TGFA: variants seen among roughly 807,000 people sequenced by gnomAD.
The protein encoded by TGFA is protransforming growth factor alpha.
In TGFA, 12 loss-of-function variants were observed where a neutral mutation model predicts 21.7. The ratio of observed to expected loss-of-function variants is 0.55; its 90% CI spans 0.35 to 0.90. The LOEUF is 0.90. TGFA is among the 40% of genes least tolerant of loss of function. The pLI is 0.01. For missense variants in TGFA, 178 were observed against 210.8 expected (o/e 0.84, Z 0.96); for synonymous variants, 79 against 88.1 (o/e 0.90, Z 0.58).
rs1278463063 is a variant in TGFA, at chr2:70,450,124, A to G, written c.*735T>C. 1 of 152,216 alleles carries G rather than the reference A, an allele frequency of 6.6e-6. No individual in the cohort carries two copies. The highest frequency in any genetic ancestry group is 2.4e-5 in the African/African-American group (1 of 41,462). 9.4% of individuals were successfully genotyped at this position (152,216 alleles called of 1,614,324 possible). A position where few individuals can be genotyped will look rare whatever the true frequency, so the allele number is the denominator to read the frequency against. ...CTTAGCTGTCTTGAAGAGGCCAGAC[A>G]TTTCTAATCAGTATAGCTTTTCAGT... is the stretch of plus-strand genomic sequence containing the variant. On this transcript the variant is annotated 3_prime_UTR_variant, in exon 6 of 6. Coordinates refer to ENST00000295400, the MANE Select transcript of TGFA (RefSeq NM_003236.4).
intron 1 of TGFA, among the ~76,000 whole-genome samples, chr2:70,547,517 T>C (rs1673342528): frequency 6.9e-6 from 1 of 145,208 alleles, no homozygotes; most frequent in African/African-American, 2.6e-5. Flanking sequence ...CACTCCAGCC[T>C]GGGCAACAGA....
chr2:70,476,051 C>A (rs1347776317), intron 2 of TGFA, among the ~76,000 whole-genome samples: 1 of 130,366 alleles, frequency 7.7e-6, no homozygotes, highest in African/African-American at 2.9e-5. Flanking sequence ...TTCTTCTATC[C>A]CTACTACCTT....
chr2:70,460,931 C>T (rs1670388262), intron 3 of TGFA, among the ~76,000 whole-genome samples: 1 of 152,154 alleles, frequency 6.6e-6, no homozygotes, highest in Non-Finnish European at 1.5e-5. Context: ...TGAGGTATTA[C>T]ATCCTTAAAA....
At chr2:70,503,694 C>G (rs1553499578) in intron 2 of TGFA, among the ~76,000 whole-genome samples, 1 of 152,000 alleles carries the variant, frequency 6.6e-6, no homozygotes, top group South Asian at 2.1e-4. Flanking sequence ...CAAATACTTA[C>G]AGTTTTTATT....
intron 3 of TGFA, among the ~76,000 whole-genome samples, chr2:70,460,375 CTT>C (rs1436195426): frequency 3.0e-4 from 28 of 94,152 alleles, no homozygotes; most frequent in African/African-American, 1.3e-3. Context: ...TGGTGACATA[CTT>C]TTTTTAAAAA....
chr2:70,521,179 C>T (rs1439455790), intron 1 of TGFA, among the ~76,000 whole-genome samples: 2 of 152,200 alleles, frequency 1.3e-5, no homozygotes, highest in African/African-American at 4.8e-5. Flanking sequence ...TCCATGGGCT[C>T]TGTACCACTC....
intron 2 of TGFA, among the ~76,000 whole-genome samples, chr2:70,503,586 A>G (rs1261455309): frequency 6.6e-6 from 1 of 151,616 alleles, no homozygotes; most frequent in African/African-American, 2.4e-5. Flanking sequence ...TAATAATAAA[A>G]AAAAAAAAAG....
intron 2 of TGFA, among the ~76,000 whole-genome samples, chr2:70,500,757 T>C (rs1475362965): frequency 6.6e-6 from 1 of 152,216 alleles, no homozygotes; most frequent in East Asian, 1.9e-4. Context: ...GCACCCTTGC[T>C]CTGAGCCATT....
At chr2:70,536,908 C>A (rs1559141247) in intron 1 of TGFA, among the ~76,000 whole-genome samples, 1 of 152,088 alleles carries the variant, frequency 6.6e-6, no homozygotes. Flanking sequence ...TGGGATAGCA[C>A]AGGCATATTT....
chr2:70,471,111 C>CT (rs1224343844), intron 2 of TGFA, among the ~76,000 whole-genome samples: 1 of 139,728 alleles, frequency 7.2e-6, no homozygotes, highest in Non-Finnish European at 1.5e-5. Context: ...CTCCCCGCAC[C>CT]CCCCCCACCA....
intron 2 of TGFA, among the ~76,000 whole-genome samples, chr2:70,490,527 T>C (rs1160752943): frequency 2.6e-5 from 4 of 152,238 alleles, no homozygotes; most frequent in African/African-American, 9.6e-5. Flanking sequence ...ACTTATAGAA[T>C]ACAGAGTTTC....
At chr2:70,501,455 G>A (rs1553499145) in intron 2 of TGFA, among the ~76,000 whole-genome samples, 1 of 151,992 alleles carries the variant, frequency 6.6e-6, no homozygotes, top group African/African-American at 2.4e-5. Context: ...CATCTCTGAT[G>A]CCCAGTACAG....
At chr2:70,500,092 G>C (rs910329690) in intron 2 of TGFA, among the ~76,000 whole-genome samples, 6 of 152,066 alleles carry the variant, frequency 3.9e-5, no homozygotes, top group Admixed American at 1.3e-4. Context: ...TCACTATATG[G>C]TATATGGTAT....
intron 1 of TGFA, among the ~76,000 whole-genome samples, chr2:70,520,663 C>T (rs1553502112): frequency 6.6e-6 from 1 of 152,238 alleles, no homozygotes; most frequent in East Asian, 1.9e-4. Flanking sequence ...AGCAACTACC[C>T]GAGAAAAATG....
At chr2:70,513,835 G>T (rs797035289) in intron 2 of TGFA, among the ~76,000 whole-genome samples, 6 of 152,190 alleles carry the variant, frequency 3.9e-5, no homozygotes, top group African/African-American at 1.4e-4. Flanking sequence ...TGCAGTAACA[G>T]ATGGGAGCAG....
chr2:70,512,231 A>G (rs1465284345), intron 2 of TGFA, among the ~76,000 whole-genome samples: 1 of 152,148 alleles, frequency 6.6e-6, no homozygotes, highest in African/African-American at 2.4e-5. Flanking sequence ...TCTGGGTCTC[A>G]TGGGGCAGGG....
At chr2:70,510,118 G>A (rs1672046941) in intron 2 of TGFA, among the ~76,000 whole-genome samples, 1 of 152,186 alleles carries the variant, frequency 6.6e-6, no homozygotes, top group Non-Finnish European at 1.5e-5. Flanking sequence ...TAAGCAGTCA[G>A]CCAAGTTTGC....
chr2:70,523,118 A>G (rs1195293089), intron 1 of TGFA, among the ~76,000 whole-genome samples: 1 of 152,182 alleles, frequency 6.6e-6, no homozygotes, highest in African/African-American at 2.4e-5. Context: ...AGTCTGCTGA[A>G]GTGGCCTGTC....
At chr2:70,546,373 C>T (rs545658134) in intron 1 of TGFA, among the ~76,000 whole-genome samples, 13 of 152,116 alleles carry the variant, frequency 8.5e-5, no homozygotes, top group Admixed American at 2.6e-4. Context: ...ATGGGTATAT[C>T]GTGTAATTCT....
Sources: gnomAD v4.1 joint callset for allele counts (sites outside exome capture counted in the v4.1 genomes callset) on GRCh38, gnomAD v4.1.1 for gene constraint, MANE v1.5 for transcripts, NCBI Gene and HGNC (gene_info 2026-07-23, HGNC 2026-07-21) for gene names.